The following PCDHGA4 variants were observed in gnomAD, a reference collection of about 807,000 sequenced individuals.
PCDHGA4 encodes the protein protocadherin gamma-A4.
PCDHGA4 carries 38 observed loss-of-function variants against 54.6 expected under a neutral mutation model. The ratio of observed to expected loss-of-function variants is 0.70; its 90% confidence interval spans 0.54 to 0.91. The LOEUF (loss-of-function observed/expected upper bound fraction) is 0.91. Ranked by LOEUF, PCDHGA4 falls within the 40% of genes least tolerant of loss-of-function variation. The pLI is 0.00. For missense variants in PCDHGA4, 1,298 were observed against 1,220.9 expected (o/e 1.06, Z -0.94); for synonymous variants, 511 against 512.9 (o/e 1.00, Z 0.05).
rs372458558 is a variant in PCDHGA4, at chr5:141,384,112, G to A, written c.2514+26491G>A. On this transcript the variant is annotated intron_variant, in intron 1 of 3. Transcript: ENST00000571252. ...ATCAATAGATAATTATTATAGATTG[G>A]TCACAACCAAAAACTTGGACCGGGA... The A allele has an allele frequency of 8.1e-6, 13 of 1,605,274 alleles. No individual in the cohort carries two copies. The South Asian group carries it at 8.9e-5, about 11-fold the overall frequency.
chr5:141,399,309 C>CA (rs1033550021), intron 1 of PCDHGA4: 6 of 1,613,784 alleles, frequency 3.7e-6, no homozygotes, highest in African/African-American at 1.3e-5. Context: ...TCTCTTCATC[C>CA]AAAAATTCGT....
At chr5:141,396,682 C>T (rs1387269894) in intron 1 of PCDHGA4, 1 of 151,688 alleles carries the variant, frequency 6.6e-6, no homozygotes, top group Non-Finnish European at 1.5e-5. Context: ...TATTGTATTC[C>T]TGCATACCTT....
At chr5:141,371,658 A>T (rs764550191) in intron 1 of PCDHGA4, 4 of 1,613,920 alleles carry the variant, frequency 2.5e-6, no homozygotes. Context: ...CAATGTGACG[A>T]TCACAGCTAC....
In PCDHGA4 at chr5:141,477,053, G is replaced by A; in HGVS notation, c.2515-17754G>A. On this transcript the variant is annotated intron_variant, in intron 1 of 3. Transcript: ENST00000571252. This position sits in a 1 kb window ranked among gnomAD's most constrained non-coding sequence, Gnocchi z 4.9. ...GACAATCAAGGGTCGGCTGGACTTC[G>A]AGGACACCAAACTCCATGAGATTTA... The A allele has an allele frequency of 1.9e-6, 3 of 1,614,230 alleles. No homozygotes were observed. The highest frequency in any genetic ancestry group is 2.5e-6 in the Non-Finnish European group (3 of 1,180,032).
intron 1 of PCDHGA4, chr5:141,429,216 T>A (rs1590916921): frequency 6.8e-6 from 1 of 146,786 alleles, no homozygotes; most frequent in Admixed American, 6.7e-5. Context: ...GTGTGAAAAG[T>A]GGGTATTATG....
rs745658462 is a variant in PCDHGA4 at position 141,414,720 on chromosome 5, T to C, written c.2514+57099T>C. 6 of 1,614,132 alleles carry C rather than the reference T, an allele frequency of 3.7e-6. No homozygotes were observed. The East Asian group carries it at 1.3e-4, about 36-fold the overall frequency. ...CATACATATCCATCAACTCAGACAC[T>C]GGCGTCCTGTATGCACTCAGATCCT... On this transcript the variant is annotated intron_variant, in intron 1 of 3. Coordinates refer to ENST00000571252, the MANE Select transcript of PCDHGA4 (RefSeq NM_018917.4).
chr5:141,509,143 C>G (rs1022878562), intron 3 of PCDHGA4, among the ~76,000 whole-genome samples: 1 of 152,256 alleles, frequency 6.6e-6, no homozygotes, highest in African/African-American at 2.4e-5. Context: ...AGGCGCATCC[C>G]GGCTCTCCCC....
intron 1 of PCDHGA4, among the ~76,000 whole-genome samples, chr5:141,407,687 G>A (rs866314437): frequency 1.3e-5 from 2 of 152,126 alleles, no homozygotes; most frequent in African/African-American, 2.4e-5. Context: ...TGGCTTTGTG[G>A]TGATCATTGT....
intron 1 of PCDHGA4, among the ~76,000 whole-genome samples, chr5:141,454,924 C>T (rs1252057038): frequency 6.7e-6 from 1 of 149,858 alleles, no homozygotes; most frequent in Non-Finnish European, 1.5e-5. Context: ...TCTCCTGCCT[C>T]AGCCTCCCGA....
rs202162316 is a variant in PCDHGA4, at chr5:141,490,194, T to C, written c.2515-4613T>C. ...TTGAGGAGTCACGTTTCTATGAAAT[T>C]CATGCAAGAGCCCGTGACCAGGGAC... is the stretch of plus-strand genomic sequence containing the variant. On this transcript the variant is annotated intron_variant, in intron 1 of 3. Transcript: ENST00000571252. The surrounding 1 kb of genome is among the most constrained non-coding windows in gnomAD (Gnocchi z 5.4). The C allele has an allele frequency of 8.1e-6, 13 of 1,614,186 alleles. No individual in the cohort carries two copies. The highest frequency in any genetic ancestry group is 1.1e-5 in the Non-Finnish European group (13 of 1,180,030).
chr5:141,427,052 C>T (rs79280874), intron 1 of PCDHGA4: 9,800 of 457,514 alleles, frequency 0.021, 162 homozygotes, highest in Middle Eastern at 0.051. Flanking sequence ...TGCCCCCAGG[C>T]ACCTCTGTAC....
At chr5:141,385,079 C>A in intron 1 of PCDHGA4, 1 of 1,614,226 alleles carries the variant, frequency 6.2e-7, no homozygotes, top group Non-Finnish European at 8.5e-7. Context: ...CTGCTGCAGG[C>A]TTCAGAAGGT....
intron 1 of PCDHGA4, chr5:141,361,483 C>T (rs1762043135): frequency 6.2e-7 from 1 of 1,614,026 alleles, no homozygotes; most frequent in Non-Finnish European, 8.5e-7. Context: ...CGATAATGCC[C>T]CAGTTTTCCA....
chr5:141,374,681 C>G, intron 1 of PCDHGA4: 1 of 1,610,216 alleles, frequency 6.2e-7, no homozygotes, highest in Non-Finnish European at 8.5e-7. Context: ...GGAGGGCACA[C>G]TGGACCGGGA....
In PCDHGA4 at chr5:141,487,761, C is replaced by T. The variant is rs1331182183; in HGVS notation, c.2515-7046C>T. Reference sequence around the variant, plus strand: ...GTAAGAGGTAACTATGTGGTAGACGCTGTGCTTTGTAACTGTTTCGTGAAT... The same window carrying T: ...GTAAGAGGTAACTATGTGGTAGACGTTGTGCTTTGTAACTGTTTCGTGAAT... On this transcript the variant is annotated intron_variant, in intron 1 of 3. Coordinates refer to ENST00000571252, the MANE Select transcript of PCDHGA4 (RefSeq NM_018917.4). The surrounding 1 kb of genome is among the most constrained non-coding windows in gnomAD (Gnocchi z 5.0). 3.2e-6 allele frequency: 5 copies of T among 1,545,926 alleles called. No individual in the cohort carries two copies. Among genetic ancestry groups the T allele is most frequent in the South Asian group, 1.2e-5 (1 of 83,534 alleles).
Position 141,429,441 on chromosome 5 carries a change from T to C in PCDHGA4, c.2515-65366T>C, listed in dbSNP as rs541676798. On this transcript the variant is annotated intron_variant, in intron 1 of 3. Transcript: ENST00000571252. ...TGTTGCCCAGGCTGGACTCAAACTCTTGGGCTACAGTAATCCTCCCACCTC... is the reference window on the plus strand; with the variant it reads ...TGTTGCCCAGGCTGGACTCAAACTCCTGGGCTACAGTAATCCTCCCACCTC... 1.5e-4 allele frequency among the ~76,000 whole-genome samples: 23 copies of C among 152,170 alleles called. No individual in the cohort carries two copies. The South Asian group carries it at 4.6e-3, about 30-fold the overall frequency.
chr5:141,414,684 A>G (rs747750994), intron 1 of PCDHGA4: 6 of 1,613,806 alleles, frequency 3.7e-6, no homozygotes, highest in Non-Finnish European at 5.1e-6. Flanking sequence ...TCCAGGGGGT[A>G]CCTCTGTCCT....
intron 2 of PCDHGA4, among the ~76,000 whole-genome samples, chr5:141,503,596 C>T (rs1267014587): frequency 7.7e-6 from 1 of 129,694 alleles, no homozygotes; most frequent in African/African-American, 3.3e-5. Context: ...GAGACTCCAG[C>T]TCAAAAAAAA....
rs987203685 is a variant in PCDHGA4 at position 141,403,829 on chromosome 5, C to A, written c.2514+46208C>A. ...TAATGAAAAACAATCTCTGCTATTC[C>A]AGCTTAATGAAAATACTGGGGAAAT... is the stretch of plus-strand genomic sequence containing the variant. On this transcript the variant is annotated intron_variant, in intron 1 of 3. Transcript: ENST00000571252. 1.2e-6 allele frequency: 2 copies of A among 1,613,602 alleles called. No homozygotes were observed. The highest frequency in any genetic ancestry group is 2.2e-5 in the East Asian group (1 of 44,884).
Sources: allele counts gnomAD v4.1 joint callset (sites outside exome capture counted in the v4.1 genomes callset), GRCh38; gene constraint gnomAD v4.1.1; non-coding constraint Gnocchi (gnomAD v3.1); transcripts MANE v1.5; gene names NCBI Gene and HGNC (gene_info 2026-07-23, HGNC 2026-07-21).